Variants in ATRNL1 observed in about 807,000 individuals in gnomAD.
ATRNL1 encodes the protein attractin like 1.
In ATRNL1, 95 loss-of-function variants were observed where a neutral mutation model predicts 182.7. The observed-to-expected ratio is 0.52, with a 90% CI of 0.44 to 0.62. The LOEUF (loss-of-function observed/expected upper bound fraction) is 0.62. Among genes scored for constraint, ATRNL1 ranks in the 20% least tolerant of loss-of-function variants. The pLI, the probability that ATRNL1 is intolerant of heterozygous loss-of-function variation, is 0.00. For missense variants in ATRNL1, 1,471 were observed against 1,679.5 expected, an observed-to-expected ratio of 0.88 and a Z score of 2.17; for synonymous variants, 576 against 568.3, an observed-to-expected ratio of 1.01 and a Z score of -0.19.
At chr10:115,224,111 A>G (rs1849601600) in intron 9 of ATRNL1, among the ~76,000 whole-genome samples, 1 of 150,474 alleles carries the variant, frequency 6.6e-6, no homozygotes, top group African/African-American at 2.4e-5. Context: ...ATTTTTTTGT[A>G]TTTTTAGTAC....
At chr10:115,335,601 C>G (rs1554936445) in intron 19 of ATRNL1, among the ~76,000 whole-genome samples, 1 of 152,156 alleles carries the variant, frequency 6.6e-6, no homozygotes, top group African/African-American at 2.4e-5. Flanking sequence ...ACAGTTGTAC[C>G]TTGGTATCCA....
At chr10:115,245,706 T>A (rs1308807407) in intron 10 of ATRNL1, among the ~76,000 whole-genome samples, 1 of 152,050 alleles carries the variant, frequency 6.6e-6, no homozygotes. Context: ...GTTATGAAAA[T>A]TCCAATCTGC....
intron 8 of ATRNL1, among the ~76,000 whole-genome samples, chr10:115,205,036 G>A (rs1848743227): frequency 6.6e-6 from 1 of 151,902 alleles, no homozygotes; most frequent in Non-Finnish European, 1.5e-5. Flanking sequence ...ACACTTTTAT[G>A]CCAACTCTAC....
chr10:115,740,087 T>C (rs1271634494), intron 27 of ATRNL1, among the ~76,000 whole-genome samples: 2 of 128,294 alleles, frequency 1.6e-5, no homozygotes, highest in African/African-American at 5.9e-5. Flanking sequence ...GTGTAGAATC[T>C]AAGAAACCAA....
At chr10:115,413,867 A>C (rs1235430402) in intron 20 of ATRNL1, among the ~76,000 whole-genome samples, 1 of 152,062 alleles carries the variant, frequency 6.6e-6, no homozygotes, top group Non-Finnish European at 1.5e-5. Context: ...ATCTTTACTT[A>C]GTGGGTTGTT....
intron 27 of ATRNL1, among the ~76,000 whole-genome samples, chr10:115,768,098 A>G (rs1948901199): frequency 6.6e-6 from 1 of 152,092 alleles, no homozygotes; most frequent in Non-Finnish European, 1.5e-5. Flanking sequence ...TTTCTTATTC[A>G]TTTCCTGCAC....
chr10:115,469,889 T>G (rs1390028444), intron 24 of ATRNL1, among the ~76,000 whole-genome samples: 1 of 150,550 alleles, frequency 6.6e-6, no homozygotes, highest in African/African-American at 2.4e-5. Context: ...AATTGGAATA[T>G]TCTTTCTATC....
At chr10:115,417,474 A>C (rs893139003) in intron 20 of ATRNL1, among the ~76,000 whole-genome samples, 7 of 152,156 alleles carry the variant, frequency 4.6e-5, no homozygotes, top group African/African-American at 1.7e-4. Context: ...TGAGGGATCC[A>C]GTCTGACCCC....
intron 27 of ATRNL1, among the ~76,000 whole-genome samples, chr10:115,838,047 A>G (rs1309143825): frequency 6.6e-6 from 1 of 152,196 alleles, no homozygotes; most frequent in East Asian, 1.9e-4. Flanking sequence ...TCCTCAATGT[A>G]AACTTTCAAG....
intron 27 of ATRNL1, among the ~76,000 whole-genome samples, chr10:115,741,003 A>G (rs1362992864): frequency 3.3e-5 from 5 of 152,168 alleles, no homozygotes; most frequent in African/African-American, 1.2e-4. Context: ...TTATTTTTCC[A>G]TATTTTAAAC....
chr10:115,249,924 G>T (rs1196900609), intron 10 of ATRNL1, among the ~76,000 whole-genome samples: 5 of 152,170 alleles, frequency 3.3e-5, no homozygotes, highest in African/African-American at 1.2e-4. Flanking sequence ...ACTTTTTAGT[G>T]TAAGAATTGG....
chr10:115,693,225 T>A (rs868957105), intron 26 of ATRNL1, among the ~76,000 whole-genome samples: 2 of 152,148 alleles, frequency 1.3e-5, no homozygotes, highest in African/African-American at 4.8e-5. Context: ...TTTTTAAAAA[T>A]GTTTTTTACA....
intron 20 of ATRNL1, among the ~76,000 whole-genome samples, chr10:115,420,703 A>G (rs1845613114): frequency 6.6e-6 from 1 of 152,162 alleles, no homozygotes; most frequent in Non-Finnish European, 1.5e-5. Context: ...GAAATAATAA[A>G]GAACAGAGAA....
intron 27 of ATRNL1, among the ~76,000 whole-genome samples, chr10:115,784,020 C>T (rs186027335): frequency 3.4e-4 from 52 of 151,882 alleles, no homozygotes; most frequent in African/African-American, 1.1e-3. Flanking sequence ...CCAAAAACAA[C>T]AACAACAACA....
chr10:115,619,229 C>T (rs1857593605), intron 26 of ATRNL1, among the ~76,000 whole-genome samples: 1 of 152,132 alleles, frequency 6.6e-6, no homozygotes, highest in Admixed American at 6.5e-5. Flanking sequence ...GGTTGCCACT[C>T]TACTGAAGGG....
chr10:115,640,164 C>T (rs904151497), intron 26 of ATRNL1, among the ~76,000 whole-genome samples: 1 of 152,138 alleles, frequency 6.6e-6, no homozygotes, highest in Admixed American at 6.5e-5. Flanking sequence ...TTTTCTTTAT[C>T]CAGTCTATCA....
intron 25 of ATRNL1, among the ~76,000 whole-genome samples, chr10:115,536,364 A>G (rs1337427181): frequency 1.3e-5 from 2 of 151,968 alleles, no homozygotes; most frequent in Non-Finnish European, 2.9e-5. Context: ...TTGATCTCAG[A>G]TTGCTGTGCT....
At chr10:115,132,288 C>T (rs1258200665) in intron 5 of ATRNL1, among the ~76,000 whole-genome samples, 1 of 152,154 alleles carries the variant, frequency 6.6e-6, no homozygotes, top group Non-Finnish European at 1.5e-5. Flanking sequence ...GTATAGTATT[C>T]CATGGTGTAT....
At chr10:115,553,636 C>A (rs1218213632) in intron 26 of ATRNL1, among the ~76,000 whole-genome samples, 1 of 151,142 alleles carries the variant, frequency 6.6e-6, no homozygotes, top group Non-Finnish European at 1.5e-5. Flanking sequence ...TTTATTATCA[C>A]CCTGAAATTT....
Sources: allele counts gnomAD v4.1 joint callset (sites outside exome capture counted in the v4.1 genomes callset), GRCh38; gene constraint gnomAD v4.1.1; transcripts MANE v1.5; gene names NCBI Gene and HGNC (gene_info 2026-07-23, HGNC 2026-07-21).